The following CUL9 variants were observed in gnomAD, a reference collection of about 807,000 sequenced individuals.
The protein encoded by CUL9 is cullin-9.
CUL9 carries 79 observed loss-of-function variants against 272.6 expected under a neutral mutation model. That is an observed-to-expected ratio of 0.29 (90% CI 0.24 to 0.35). The LOEUF is 0.35. Among genes scored for constraint, CUL9 ranks in the 10% least tolerant of loss-of-function variants. The probability of loss-of-function intolerance (pLI) is 1.00; values close to 1 mark genes in which losing one functional copy is unlikely to be tolerated. For missense variants in CUL9, 2,532 were observed against 3,255.6 expected (o/e 0.78, Z 5.41); for synonymous variants, 1,186 against 1,286.5 (o/e 0.92, Z 1.67).
At chr6:43,212,867 C>G (rs1463304673) in intron 26 of CUL9, 1 of 363,648 alleles carries the variant, frequency 2.7e-6, no homozygotes, top group Non-Finnish European at 5.0e-6. Context: ...TCCTTGAGGG[C>G]AAAATGCAAG....
At chr6:43,204,324 C>T (rs748408846) in intron 20 of CUL9, 36 bp from the exon 21 acceptor site, 1 of 1,607,518 alleles carries the variant, frequency 6.2e-7, no homozygotes, top group Admixed American at 1.7e-5. Context: ...TCTCCCATCT[C>T]CCATGGAGAC....
chr6:43,208,787 A>G (rs981296444), intron 26 of CUL9, among the ~76,000 whole-genome samples: 1 of 152,130 alleles, frequency 6.6e-6, no homozygotes, highest in Non-Finnish European at 1.5e-5. Context: ...ATTATGGTAA[A>G]ATATATCTAG....
In CUL9 at chr6:43,202,763, C is replaced by T. The variant is rs914591299; in HGVS notation, c.3695C>T (p.Ala1232Val). The change falls in exon 17 of 41, where the codon GCC (alanine) becomes GTC (valine). Residue 1232 changes from alanine (A) to valine (V), a missense_variant. Ala to Val is a moderately conservative substitution (Grantham distance 64). Coordinates refer to ENST00000252050, the MANE Select transcript of CUL9 (RefSeq NM_015089.4). ...VASEDSSYMP[A>V]RVVVFGGDST... ...AGTGAGGACTCAAGCTACATGCCAG[C>T]CAGGGTGGTGGTGTTTGGGGGTGAC... is the stretch of plus-strand genomic sequence containing the variant. 1.9e-6 allele frequency: 3 copies of T among 1,614,158 alleles called. No homozygotes were observed. The highest frequency in any genetic ancestry group is 2.5e-6 in the Non-Finnish European group (3 of 1,180,012).
rs1256793116 is a variant in CUL9 at position 43,221,826 on chromosome 6, G to A, written c.6846+48G>A. 12 of 1,527,228 alleles carry A rather than the reference G, an allele frequency of 7.9e-6. No individual in the cohort carries two copies. The highest frequency in any genetic ancestry group is 9.9e-6 in the Non-Finnish European group (11 of 1,114,172). 94.6% of individuals were successfully genotyped at this position (1,527,228 alleles called of 1,614,324 possible). Reference sequence around the variant, plus strand: ...AGGGCAGAGGCCCAGAGCCGTCGGGGAGGGGTGCTGCTACCAGGTCCTGGG... The same window carrying A: ...AGGGCAGAGGCCCAGAGCCGTCGGGAAGGGGTGCTGCTACCAGGTCCTGGG... On this transcript the variant is annotated intron_variant, in intron 35 of 40. Transcript: ENST00000252050. The surrounding 1 kb of genome is among the most constrained non-coding windows in gnomAD (Gnocchi z 4.2).
At chr6:43,210,865 T>C (rs1195328766) in intron 26 of CUL9, among the ~76,000 whole-genome samples, 1 of 152,204 alleles carries the variant, frequency 6.6e-6, no homozygotes, top group Non-Finnish European at 1.5e-5. Context: ...TATATACATA[T>C]GATTCTACCC....
rs749609877 is a variant in CUL9 at position 43,216,218 on chromosome 6, C to T, written c.5997C>T (p.Pro1999=). The change falls in exon 31 of 41, where the codon CCC becomes CCT. Residue 1999 remains proline, a synonymous_variant. Transcript: ENST00000252050. ...LQLPAGRTMS[P]QEVEGLMKQT... ...TGCCTGCAGGCCGCACCATGAGCCC[C>T]CAGGAAGTAGAAGGGTTGATGAAGC... 60 of 1,613,454 alleles carry T rather than the reference C, an allele frequency of 3.7e-5. No individual in the cohort carries two copies. The South Asian group carries it at 5.9e-4, about 16-fold the overall frequency.
At chr6:43,219,871 T>C (rs1183842232) in intron 31 of CUL9, among the ~76,000 whole-genome samples, 1 of 151,950 alleles carries the variant, frequency 6.6e-6, no homozygotes, top group East Asian at 1.9e-4. Context: ...GGGAGTGACA[T>C]GGGAGCAAGA....
rs1331400668 is a variant in CUL9 at position 43,216,294 on chromosome 6, C to G, written c.6073C>G (p.Gln2025Glu). 2 of 1,613,970 alleles carry G rather than the reference C, an allele frequency of 1.2e-6. No individual in the cohort carries two copies. The highest frequency in any genetic ancestry group is 1.7e-6 in the Non-Finnish European group (2 of 1,179,988). ...GCTGAACTTAGAGCCAGATGTCGCT[C>G]AGCACCTTTTGGCTCATTCCCACTG... Reference protein sequence around the residue: ...ETLNLEPDVAQHLLAHSHWGA... With the variant: ...ETLNLEPDVAEHLLAHSHWGA... The change falls in exon 31 of 41, where the codon CAG (glutamine) becomes GAG (glutamate). Residue 2025 changes from glutamine to glutamate, a missense_variant. Coordinates refer to ENST00000252050, the MANE Select transcript of CUL9 (RefSeq NM_015089.4).
chr6:43,184,072 CCTT>C lies in CUL9; in HGVS notation c.-9-225_-9-223del, dbSNP rs567250302. On this transcript the variant is annotated intron_variant, in intron 1 of 40. Coordinates refer to ENST00000252050, the MANE Select transcript of CUL9 (RefSeq NM_015089.4). The surrounding 1 kb of genome is among the most constrained non-coding windows in gnomAD (Gnocchi z 4.8). ...AGCCAACTCTTCCATTTCTTAAACC[CCTT>C]CTTCATCCCCTCTCTGTCTTCACTC... 1.5e-3 allele frequency among the ~76,000 whole-genome samples: 232 copies of C among 152,174 alleles called. No individual in the cohort carries two copies. The highest frequency in any genetic ancestry group is 2.7e-3 in the Non-Finnish European group (186 of 68,000).
Position 43,204,356 on chromosome 6 carries a change from T to G in CUL9, c.4160-4T>G. 1 of 1,613,660 alleles carries G rather than the reference T, an allele frequency of 6.2e-7. No homozygotes were observed. Among genetic ancestry groups the G allele is most frequent in the South Asian group, 1.1e-5 (1 of 91,080 alleles). The stretch of plus-strand genomic sequence containing the variant: ...AGACCTGTTCCTGACCTGTCTTCTT[T>G]CAGATGCGGAAGGCGTGAGTGCCCT... On this transcript the variant is annotated splice_region_variant and splice_polypyrimidine_tract_variant and intron_variant, in intron 20 of 40. Coordinates refer to ENST00000252050, the MANE Select transcript of CUL9 (RefSeq NM_015089.4).
In CUL9 at chr6:43,184,528, A is replaced by G. The variant is rs773590969; in HGVS notation, c.218A>G (p.Tyr73Cys). The change falls in exon 2 of 41, where the codon TAC becomes TGC. Residue 73 changes from tyrosine to cysteine, a missense_variant. This residue lies in a region of CUL9 where 2,218 missense variants were observed against 2,788.6 expected (regional missense o/e 0.80). Coordinates refer to ENST00000252050, the MANE Select transcript of CUL9 (RefSeq NM_015089.4). This position sits in a 1 kb window ranked among gnomAD's most constrained non-coding sequence, Gnocchi z 4.8. Reference protein sequence around the residue: ...ILMWLSAPEVYANCPGLLGER... With the variant: ...ILMWLSAPEVCANCPGLLGER... ...ATGTGGCTGTCGGCTCCTGAGGTCT[A>G]CGCCAACTGCCCTGGGCTGTTAGGT... is the stretch of plus-strand genomic sequence containing the variant. 6 of 1,612,700 alleles carry G rather than the reference A, an allele frequency of 3.7e-6. No individual in the cohort carries two copies. The Admixed American group carries it at 6.7e-5, about 18-fold the overall frequency.
At chr6:43,185,896 G>T (rs1772865465) in intron 3 of CUL9, 59 bp from the exon 4 acceptor site, 1 of 1,532,662 alleles carries the variant, frequency 6.5e-7, no homozygotes, top group Non-Finnish European at 8.8e-7. Context: ...ATACTTCAGG[G>T]AAGGGGAGAG....
At chr6:43,195,156 A>T (rs891260605) in intron 9 of CUL9, among the ~76,000 whole-genome samples, 7 of 152,202 alleles carry the variant, frequency 4.6e-5, no homozygotes, top group Non-Finnish European at 4.4e-5. Flanking sequence ...ACAGGGAGAA[A>T]GCTTCATTGA....
At chr6:43,188,837 A>G in intron 8 of CUL9, 122 bp downstream of exon 8, 1 of 772,890 alleles carries the variant, frequency 1.3e-6, no homozygotes, top group Non-Finnish European at 2.0e-6. Context: ...GCTCAGCCTG[A>G]GGAGCAGCCG....
At chr6:43,197,530 C>G (rs113437199) in intron 11 of CUL9, among the ~76,000 whole-genome samples, 3 of 151,950 alleles carry the variant, frequency 2.0e-5, no homozygotes, top group Admixed American at 6.6e-5. Flanking sequence ...GTCGCCCAGG[C>G]TGGAATGCAG....
rs1562064867 is a variant in CUL9 at position 43,221,854 on chromosome 6, G to T, written c.6846+76G>T. On this transcript the variant is annotated intron_variant, in intron 35 of 40. Transcript: ENST00000252050. The surrounding 1 kb of genome is among the most constrained non-coding windows in gnomAD (Gnocchi z 4.2). ...GGGTGCTGCTACCAGGTCCTGGGCA[G>T]ACAGGGCTCCTTGTGCAGTGCAGCA... 6.2e-6 allele frequency: 8 copies of T among 1,296,304 alleles called. No individual in the cohort carries two copies. The highest frequency in any genetic ancestry group is 1.9e-5 in the Admixed American group (1 of 53,634). The allele number at this position is 1,296,304 out of a possible 1,614,324, so 80.3% of individuals were successfully genotyped here. A position where few individuals can be genotyped will look rare whatever the true frequency, so the allele number is the denominator to read the frequency against.
chr6:43,221,602 C>T lies in CUL9; in HGVS notation c.6753-83C>T. ...GCAGGAGCAGAGGCCACAGCATCAA[C>T]AGCGGTACATCTGGGCCCTTGGCAT... On this transcript the variant is annotated intron_variant, in intron 34 of 40. Coordinates refer to ENST00000252050, the MANE Select transcript of CUL9 (RefSeq NM_015089.4). The surrounding 1 kb of genome is among the most constrained non-coding windows in gnomAD (Gnocchi z 4.2). 7.8e-7 allele frequency: 1 copy of T among 1,281,142 alleles called. No homozygotes were observed. The highest frequency in any genetic ancestry group is 1.3e-5 in the South Asian group (1 of 79,510). The allele number at this position is 1,281,142 out of a possible 1,614,324, so 79.4% of individuals were successfully genotyped here.
rs1367608036 is a variant in CUL9 at position 43,224,423 on chromosome 6, A to G, written c.7532A>G (p.Asp2511Gly). The stretch of plus-strand genomic sequence containing the variant: ...TTCTTCTTTGGTGATGAGGAAGAGG[A>G]TGAAGATGAGGCCTATGACTGAGGG... Reference protein sequence around the residue: ...ETFFFGDEEEDEDEAYD With the variant: ...ETFFFGDEEEGEDEAYD The change falls in exon 41 of 41, where the codon GAT becomes GGT. Residue 2511 changes from aspartate (D) to glycine (G), a missense_variant. Transcript: ENST00000252050. This position sits in a 1 kb window ranked among gnomAD's most constrained non-coding sequence, Gnocchi z 4.2. 6.2e-7 allele frequency: 1 copy of G among 1,613,966 alleles called. No individual in the cohort carries two copies. Among genetic ancestry groups the G allele is most frequent in the Middle Eastern group, 1.7e-4 (1 of 5,930 alleles).
chr6:43,186,506 G>A lies in CUL9; in HGVS notation c.1251+51G>A, dbSNP rs369488724. 9.9e-5 allele frequency: 152 copies of A among 1,542,722 alleles called. No homozygotes were observed. In the South Asian group the frequency reaches 1.7e-3, roughly 18 times the overall value. On this transcript the variant is annotated intron_variant, in intron 4 of 40. Transcript: ENST00000252050. ...CTGTTGGGAGTTTATTTGGGGTGGG[G>A]TGTAGCTGGGACTTCATAAGGAGGA...
Sources: allele counts gnomAD v4.1 joint callset (sites outside exome capture counted in the v4.1 genomes callset), GRCh38; gene constraint gnomAD v4.1.1; regional missense constraint gnomAD v4.1.1; non-coding constraint Gnocchi (gnomAD v3.1); transcripts MANE v1.5; gene names NCBI Gene and HGNC (gene_info 2026-07-23, HGNC 2026-07-21).